CRPPA: variants seen among roughly 807,000 people sequenced by gnomAD.
CRPPA encodes D-ribitol-5-phosphate cytidylyltransferase.
CRPPA carries 43 observed loss-of-function variants against 52.0 expected under a neutral mutation model. The observed-to-expected ratio is 0.83, with a 90% CI of 0.65 to 1.07. The LOEUF (loss-of-function observed/expected upper bound fraction) is 1.07, where lower values mean the gene tolerates loss of function less well. Ranked by LOEUF, CRPPA falls within the 50% of genes least tolerant of loss-of-function variation. The probability of loss-of-function intolerance (pLI) is 0.00; values close to 1 mark genes in which losing one functional copy is unlikely to be tolerated. For synonymous variants in CRPPA, 250 were observed against 203.5 expected, an observed-to-expected ratio of 1.23 and a Z score of -1.94; for missense variants, 629 against 551.7, an observed-to-expected ratio of 1.14 and a Z score of -1.40.
chr7:16,324,774 G>T (rs1168850376), intron 3 of CRPPA, among the ~76,000 whole-genome samples: 1 of 152,190 alleles, frequency 6.6e-6, no homozygotes, highest in African/African-American at 2.4e-5. Flanking sequence ...CAATAGTGAA[G>T]ATACCCAAAA....
At chr7:16,414,786 G>A (rs10259225) in intron 1 of CRPPA, among the ~76,000 whole-genome samples, 76,172 of 151,978 alleles carry the variant, frequency 0.5, 20,993 homozygotes, top group African/African-American at 0.74. Context: ...GAAATCCTAG[G>A]AACATTTTTA....
At chr7:16,370,340 G>T (rs1303007334) in intron 3 of CRPPA, among the ~76,000 whole-genome samples, 2 of 152,190 alleles carry the variant, frequency 1.3e-5, no homozygotes, top group Admixed American at 1.3e-4. Flanking sequence ...TTTCTGCAGG[G>T]AAATAAGCCA....
At chr7:16,231,993 G>A (rs1782810137) in intron 8 of CRPPA, among the ~76,000 whole-genome samples, 1 of 152,128 alleles carries the variant, frequency 6.6e-6, no homozygotes, top group Non-Finnish European at 1.5e-5. Flanking sequence ...AATCTGGGGA[G>A]ACCAAGGTAG....
chr7:16,385,383 A>C (rs1015489920), intron 2 of CRPPA, among the ~76,000 whole-genome samples: 7 of 152,234 alleles, frequency 4.6e-5, no homozygotes, highest in African/African-American at 1.7e-4. Context: ...ACCAAAGTCA[A>C]GGAAGAAAAT....
rs1224332745 is a variant in CRPPA, at chr7:16,317,149, A to G, written c.685-8522T>C. 2.6e-5 allele frequency among the ~76,000 whole-genome samples: 4 copies of G among 152,192 alleles called. No individual in the cohort carries two copies. In the South Asian group the frequency reaches 6.2e-4, roughly 24 times the overall value. ...CATTACCAATTGATTAAGAGCATGG[A>G]CACAGAAGTCAAATAGACTTGGGTT... is the stretch of plus-strand genomic sequence containing the variant. On this transcript the variant is annotated intron_variant, in intron 3 of 9. Coordinates refer to ENST00000407010, the MANE Select transcript of CRPPA (RefSeq NM_001101426.4).
At chr7:16,315,698 G>A (rs1371121067) in intron 3 of CRPPA, among the ~76,000 whole-genome samples, 8 of 151,824 alleles carry the variant, frequency 5.3e-5, no homozygotes, top group Admixed American at 2.0e-4. Flanking sequence ...ACCTGGTCAA[G>A]CTCCTGGAAG....
chr7:16,184,618 T>C (rs2128388602), intron 9 of CRPPA, among the ~76,000 whole-genome samples: 1 of 152,304 alleles, frequency 6.6e-6, no homozygotes, highest in East Asian at 1.9e-4. Context: ...GCAATATAAT[T>C]CAAAGGCACA....
At chr7:16,349,657 C>A (rs943528741) in intron 3 of CRPPA, among the ~76,000 whole-genome samples, 1 of 151,712 alleles carries the variant, frequency 6.6e-6, no homozygotes, top group African/African-American at 2.4e-5. Context: ...CAGACTAGAT[C>A]GAGCAGAAGA....
At chr7:16,158,729 T>C (rs1006800824) in intron 9 of CRPPA, among the ~76,000 whole-genome samples, 1 of 152,118 alleles carries the variant, frequency 6.6e-6, no homozygotes, top group African/African-American at 2.4e-5. Context: ...TCCTTATATA[T>C]CCAATAGTAT....
At chr7:16,226,280 C>T (rs1782650199) in intron 8 of CRPPA, among the ~76,000 whole-genome samples, 1 of 151,658 alleles carries the variant, frequency 6.6e-6, no homozygotes, top group Non-Finnish European at 1.5e-5. Context: ...AAGAACTGTG[C>T]TAAGAAATGT....
intron 9 of CRPPA, among the ~76,000 whole-genome samples, chr7:16,208,444 T>A (rs1583429586): frequency 1.3e-5 from 2 of 152,260 alleles, no homozygotes; most frequent in East Asian, 3.9e-4. Context: ...GTAAAAAAAA[T>A]TGCAGTCTGT....
At chr7:16,392,679 C>A (rs1034710084) in intron 2 of CRPPA, among the ~76,000 whole-genome samples, 1 of 152,134 alleles carries the variant, frequency 6.6e-6, no homozygotes, top group South Asian at 2.1e-4. Flanking sequence ...TAATAAATTG[C>A]TTTTGATATT....
intron 9 of CRPPA, among the ~76,000 whole-genome samples, chr7:16,176,927 G>A (rs980861005): frequency 6.6e-6 from 1 of 152,068 alleles, no homozygotes; most frequent in Non-Finnish European, 1.5e-5. Context: ...TATGGGTTGA[G>A]TAAATCATTA....
intron 9 of CRPPA, among the ~76,000 whole-genome samples, chr7:16,189,719 T>C (rs913534301): frequency 6.6e-6 from 1 of 152,160 alleles, no homozygotes; most frequent in Non-Finnish European, 1.5e-5. Flanking sequence ...TGTATTTAGT[T>C]AGTATTAAGA....
intron 9 of CRPPA, among the ~76,000 whole-genome samples, chr7:16,205,572 G>A (rs1271376386): frequency 1.3e-5 from 2 of 152,096 alleles, no homozygotes; most frequent in African/African-American, 4.8e-5. Flanking sequence ...TTTAATGTTT[G>A]CTCTATAATC....
chr7:16,275,810 C>A (rs114337276), intron 6 of CRPPA, among the ~76,000 whole-genome samples: 1 of 149,732 alleles, frequency 6.7e-6, no homozygotes. Context: ...GACCCTGTCT[C>A]GGAAAAAAAC....
intron 2 of CRPPA, among the ~76,000 whole-genome samples, chr7:16,391,206 C>G (rs368424591): frequency 2.0e-5 from 3 of 152,110 alleles, no homozygotes; most frequent in East Asian, 1.9e-4. Context: ...TTCCTACAGA[C>G]GGCCATCTAC....
chr7:16,140,625 A>G lies in CRPPA; in HGVS notation c.1252-48826T>C, dbSNP rs1482291177. 3.3e-5 allele frequency among the ~76,000 whole-genome samples: 5 copies of G among 152,234 alleles called. No individual in the cohort carries two copies. The East Asian group carries it at 7.7e-4, about 23-fold the overall frequency. On this transcript the variant is annotated intron_variant, in intron 9 of 9. Transcript: ENST00000407010. ...AGCAGTTTGCAAACTATGGCATTAT[A>G]TAATCCTTTTTATCTCAATCTTGTA...
chr7:16,183,090 G>C (rs1257752523), intron 9 of CRPPA, among the ~76,000 whole-genome samples: 1 of 152,080 alleles, frequency 6.6e-6, no homozygotes, highest in Non-Finnish European at 1.5e-5. Flanking sequence ...AAAGACCCCA[G>C]GGAACTGTAA....
Sources: gnomAD v4.1 joint callset for allele counts (sites outside exome capture counted in the v4.1 genomes callset) on GRCh38, gnomAD v4.1.1 for gene constraint, MANE v1.5 for transcripts, NCBI Gene and HGNC (gene_info 2026-07-23, HGNC 2026-07-21) for gene names.